MAP7: variants seen among roughly 807,000 people sequenced by gnomAD.
MAP7 encodes ensconsin.
Under a neutral mutation model 94.8 loss-of-function variants are expected in MAP7, and 52 were observed. The ratio of observed to expected loss-of-function variants is 0.55; its 90% CI spans 0.44 to 0.69. The LOEUF (loss-of-function observed/expected upper bound fraction) is 0.69. Among genes scored for constraint, MAP7 ranks in the 30% least tolerant of loss-of-function variants. The pLI is 0.00. For missense variants in MAP7, 940 were observed against 964.6 expected (o/e 0.97, Z 0.34); for synonymous variants, 350 against 357.0 (o/e 0.98, Z 0.22).
At chr6:136,476,676 G>A (rs1370847969) in intron 1 of MAP7, among the ~76,000 whole-genome samples, 1 of 152,134 alleles carries the variant, frequency 6.6e-6, no homozygotes, top group Non-Finnish European at 1.5e-5. Context: ...CCTGCTCCAG[G>A]AATTCCACTG....
chr6:136,511,724 GT>G, intron 1 of MAP7, among the ~76,000 whole-genome samples: 1 of 152,294 alleles, frequency 6.6e-6, no homozygotes, highest in South Asian at 2.1e-4. Context: ...CTCAGTGGGA[GT>G]TTAAATCACT....
chr6:136,536,316 T>A (rs1179203468), intron 1 of MAP7, among the ~76,000 whole-genome samples: 1 of 152,168 alleles, frequency 6.6e-6, no homozygotes, highest in Non-Finnish European at 1.5e-5. Context: ...TTTAGGGGGC[T>A]CTATATGAAA....
chr6:136,515,566 G>A (rs1388406728), intron 1 of MAP7, among the ~76,000 whole-genome samples: 1 of 152,182 alleles, frequency 6.6e-6, no homozygotes, highest in East Asian at 1.9e-4. Flanking sequence ...GCCATTGTAA[G>A]GTTATTAGTT....
chr6:136,539,042 G>C (rs1259602791), intron 1 of MAP7, among the ~76,000 whole-genome samples: 1 of 152,100 alleles, frequency 6.6e-6, no homozygotes, highest in African/African-American at 2.4e-5. Context: ...TCACTATGGA[G>C]AGCTTACTAT....
Position 136,480,595 on chromosome 6 carries a change from T to C in MAP7, c.68-58796A>G, listed in dbSNP as rs147688315. 2.8e-3 allele frequency among the ~76,000 whole-genome samples: 386 copies of C among 139,912 alleles called. 4 individuals carry two copies. Among genetic ancestry groups the C allele is most frequent in the East Asian group, 0.026 (126 of 4,800 alleles). 91.8% of individuals were successfully genotyped at this position (139,912 alleles called of 152,430 possible). ...AGGCAGAGCTTGCAGTGAGTCAAGA[T>C]TGCGCCACTGCACTCCAGCCTGGGT... On this transcript the variant is annotated intron_variant, in intron 1 of 17. Transcript: ENST00000354570.
intron 1 of MAP7, among the ~76,000 whole-genome samples, chr6:136,438,447 T>C (rs1268186246): frequency 6.6e-6 from 1 of 152,212 alleles, no homozygotes; most frequent in Non-Finnish European, 1.5e-5. Flanking sequence ...CAAACTCACT[T>C]GCTGGGCTAT....
rs1388262440 is a variant in MAP7, at chr6:136,359,802, G to GTTCA, written c.1912+14_1912+17dup. 6.2e-7 allele frequency: 1 copy of GTTCA among 1,608,390 alleles called. No homozygotes were observed. The highest frequency in any genetic ancestry group is 8.5e-7 in the Non-Finnish European group (1 of 1,177,966). ...ACATTTTATATATAAATTGGTTTGA[G>GTTCA]TTCATTGACAGAAATACCTGTTCCT... On this transcript the variant is annotated intron_variant, in intron 15 of 17. Transcript: ENST00000354570.
intron 8 of MAP7, among the ~76,000 whole-genome samples, chr6:136,369,768 C>A (rs931324137): frequency 1.3e-5 from 2 of 152,082 alleles, no homozygotes; most frequent in Non-Finnish European, 2.9e-5. Context: ...AAAGTTAACT[C>A]AAAATGGATT....
chr6:136,349,215 T>C (rs982940210), intron 16 of MAP7, among the ~76,000 whole-genome samples: 14 of 152,180 alleles, frequency 9.2e-5, no homozygotes, highest in Admixed American at 3.3e-4. Flanking sequence ...GAACCAAACA[T>C]GGCTTTTGAG....
intron 17 of MAP7, among the ~76,000 whole-genome samples, chr6:136,344,912 G>A (rs1044826118): frequency 1.2e-4 from 18 of 152,286 alleles, no homozygotes; most frequent in African/African-American, 4.3e-4. Flanking sequence ...GAATCTAGAA[G>A]GCAAAACAAT....
intron 1 of MAP7, among the ~76,000 whole-genome samples, chr6:136,513,613 A>G (rs1372305525): frequency 2.0e-5 from 3 of 152,170 alleles, no homozygotes; most frequent in Non-Finnish European, 4.4e-5. Flanking sequence ...GTTAATGTTG[A>G]TATTTTGAGT....
At chr6:136,406,827 A>G (rs1785764869) in intron 3 of MAP7, among the ~76,000 whole-genome samples, 1 of 152,204 alleles carries the variant, frequency 6.6e-6, no homozygotes, top group African/African-American at 2.4e-5. Context: ...TAAAACAAAA[A>G]CAAAAACAAA....
intron 1 of MAP7, among the ~76,000 whole-genome samples, chr6:136,436,058 T>G (rs1052166374): frequency 3.0e-4 from 46 of 152,296 alleles, no homozygotes; most frequent in African/African-American, 1.1e-3. Flanking sequence ...CATTTATTAT[T>G]GAGAATTATT....
chr6:136,450,075 G>C (rs1443014836), intron 1 of MAP7, among the ~76,000 whole-genome samples: 1 of 152,178 alleles, frequency 6.6e-6, no homozygotes, highest in Non-Finnish European at 1.5e-5. Flanking sequence ...TGTAATCCCA[G>C]CTACTCAGAA....
At chr6:136,379,382 G>A (rs1777107287) in intron 6 of MAP7, among the ~76,000 whole-genome samples, 1 of 152,034 alleles carries the variant, frequency 6.6e-6, no homozygotes, top group Non-Finnish European at 1.5e-5. Flanking sequence ...AGTCTTCATG[G>A]TTAAATTAAA....
rs1828867696 is a variant in MAP7 at position 136,536,120 on chromosome 6, C to T, written c.67+14222G>A. 2.6e-5 allele frequency among the ~76,000 whole-genome samples: 4 copies of T among 152,186 alleles called. No individual in the cohort carries two copies. The South Asian group carries it at 8.3e-4, about 32-fold the overall frequency. The stretch of plus-strand genomic sequence containing the variant: ...CATAGTATTCCGTGGTGTATATGTG[C>T]CTCTTAAAATTTGTAACTGCTAAGC... On this transcript the variant is annotated intron_variant, in intron 1 of 17. Transcript: ENST00000354570.
intron 1 of MAP7, among the ~76,000 whole-genome samples, chr6:136,453,638 T>C (rs1431095871): frequency 6.6e-6 from 1 of 152,174 alleles, no homozygotes; most frequent in African/African-American, 2.4e-5. Context: ...CACAAATAGG[T>C]AGAAATTTTT....
At chr6:136,485,784 G>A (rs954597632) in intron 1 of MAP7, among the ~76,000 whole-genome samples, 3 of 151,692 alleles carry the variant, frequency 2.0e-5, no homozygotes, top group African/African-American at 4.8e-5. Context: ...GGATGGTCTC[G>A]ATCTCCTGAC....
intron 2 of MAP7, 23 bp from the exon 3 acceptor site, chr6:136,411,720 C>A: frequency 3.3e-6 from 5 of 1,522,562 alleles, no homozygotes; most frequent in Admixed American, 2.0e-5. Flanking sequence ...TTAAAAAAAA[C>A]ATGAGATGAA....
Sources: gnomAD v4.1 joint callset for allele counts (sites outside exome capture counted in the v4.1 genomes callset) on GRCh38, gnomAD v4.1.1 for gene constraint, MANE v1.5 for transcripts, NCBI Gene and HGNC (gene_info 2026-07-23, HGNC 2026-07-21) for gene names.